The following TMEFF1 variants were observed in gnomAD, a reference collection of about 807,000 sequenced individuals.
TMEFF1 encodes tomoregulin-1.
In TMEFF1, 20 loss-of-function variants were observed where a neutral mutation model predicts 47.5. That is an observed-to-expected ratio of 0.42 (90% CI 0.30 to 0.61). The LOEUF (loss-of-function observed/expected upper bound fraction) is 0.61, where lower values mean the gene tolerates loss of function less well. Ranked by LOEUF, TMEFF1 falls within the 20% of genes least tolerant of loss-of-function variation. The probability of loss-of-function intolerance (pLI) is 0.19; values close to 1 mark genes in which losing one functional copy is unlikely to be tolerated. For synonymous variants in TMEFF1, 162 were observed against 166.3 expected (o/e 0.97, Z 0.20); for missense variants, 411 against 471.1 (o/e 0.87, Z 1.18).
chr9:100,527,555 C>G (rs1361762273), intron 5 of TMEFF1, among the ~76,000 whole-genome samples: 1 of 152,192 alleles, frequency 6.6e-6, no homozygotes, highest in African/African-American at 2.4e-5. Flanking sequence ...CGGCACACCA[C>G]GAGATTATAT....
At chr9:100,485,971 G>A (rs1265425277) in intron 1 of TMEFF1, among the ~76,000 whole-genome samples, 1 of 150,234 alleles carries the variant, frequency 6.7e-6, no homozygotes, top group Admixed American at 6.6e-5. Context: ...AGTTCTTAAC[G>A]TATTCTTGTA....
intron 1 of TMEFF1, among the ~76,000 whole-genome samples, chr9:100,482,446 C>T (rs934188372): frequency 2.0e-5 from 3 of 152,134 alleles, no homozygotes; most frequent in African/African-American, 4.8e-5. Flanking sequence ...AATCTGCCCG[C>T]CTCGGCCTCC....
intron 4 of TMEFF1, among the ~76,000 whole-genome samples, chr9:100,514,075 G>C (rs938003132): frequency 1.3e-5 from 2 of 151,976 alleles, no homozygotes; most frequent in Non-Finnish European, 2.9e-5. Flanking sequence ...AGTATGTACT[G>C]TATACCAAAT....
intron 7 of TMEFF1, among the ~76,000 whole-genome samples, chr9:100,556,927 C>A (rs1357843159): frequency 1.3e-5 from 2 of 151,800 alleles, no homozygotes; most frequent in Non-Finnish European, 2.9e-5. Context: ...CTCACTGCAA[C>A]CTTCCACCTC....
intron 5 of TMEFF1, among the ~76,000 whole-genome samples, chr9:100,546,436 C>A (rs553836545): frequency 6.6e-6 from 1 of 151,574 alleles, no homozygotes; most frequent in Non-Finnish European, 1.5e-5. Flanking sequence ...CAATCCCCCC[C>A]CCACCAGGTT....
At chr9:100,498,993 C>T in intron 2 of TMEFF1, 119 bp downstream of exon 2, 1 of 1,017,850 alleles carries the variant, frequency 9.8e-7, no homozygotes, top group South Asian at 1.6e-5. Flanking sequence ...GGGTCACAGC[C>T]CCTCAGTTCT....
At chr9:100,529,738 C>T (rs906405893) in intron 5 of TMEFF1, among the ~76,000 whole-genome samples, 26 of 152,182 alleles carry the variant, frequency 1.7e-4, no homozygotes, top group East Asian at 1.4e-3. Flanking sequence ...CTGCACCAAG[C>T]GGACCTAATA....
chr9:100,482,428 C>G (rs1667367938), intron 1 of TMEFF1, among the ~76,000 whole-genome samples: 1 of 151,950 alleles, frequency 6.6e-6, no homozygotes, highest in South Asian at 2.1e-4. Flanking sequence ...GAACTCCTGA[C>G]CTCAAGTAAT....
chr9:100,547,667 A>G lies in TMEFF1; in HGVS notation c.561-77A>G, dbSNP rs1202844318. The stretch of plus-strand genomic sequence containing the variant: ...TCTGTTACAGAAAGCAGAAGAAAGA[A>G]TTGGTCTTTTTTGCTGTTGCAGCAT... On this transcript the variant is annotated intron_variant, in intron 5 of 9. Coordinates refer to ENST00000374879, the MANE Select transcript of TMEFF1 (RefSeq NM_003692.5). 4.4e-6 allele frequency: 6 copies of G among 1,355,012 alleles called. No individual in the cohort carries two copies. The African/African-American group carries it at 7.5e-5, about 17-fold the overall frequency. The allele number at this position is 1,355,012 out of a possible 1,614,324, so 83.9% of individuals were successfully genotyped here. A position where few individuals can be genotyped will look rare whatever the true frequency, so the allele number is the denominator to read the frequency against.
intron 4 of TMEFF1, among the ~76,000 whole-genome samples, chr9:100,514,743 C>T (rs1838031804): frequency 6.6e-6 from 1 of 151,664 alleles, no homozygotes; most frequent in Admixed American, 6.6e-5. Context: ...GCCTGTAATC[C>T]CAGCACTTTG....
intron 1 of TMEFF1, among the ~76,000 whole-genome samples, chr9:100,480,727 G>T (rs139041837): frequency 1.3e-5 from 2 of 152,290 alleles, no homozygotes; most frequent in African/African-American, 4.8e-5. Context: ...GCTACATTGG[G>T]AAATGAATGT....
chr9:100,499,013 G>A, intron 2 of TMEFF1, 139 bp downstream of exon 2: 1 of 762,904 alleles, frequency 1.3e-6, no homozygotes, highest in South Asian at 1.9e-5. Context: ...TTTTTTGTCA[G>A]ATGATGCCCT....
At chr9:100,489,532 G>A (rs1837512444) in intron 1 of TMEFF1, among the ~76,000 whole-genome samples, 1 of 152,142 alleles carries the variant, frequency 6.6e-6, no homozygotes, top group Non-Finnish European at 1.5e-5. Context: ...GCATGTAATT[G>A]TTTTATTTGA....
At chr9:100,518,911 A>G (rs1354733722) in intron 5 of TMEFF1, among the ~76,000 whole-genome samples, 5 of 152,218 alleles carry the variant, frequency 3.3e-5, no homozygotes, top group African/African-American at 1.2e-4. Context: ...TAGGTCTGGA[A>G]AATGGAAAGC....
intron 1 of TMEFF1, among the ~76,000 whole-genome samples, chr9:100,480,479 C>A (rs1383610021): frequency 6.6e-6 from 1 of 152,044 alleles, no homozygotes; most frequent in East Asian, 1.9e-4. Flanking sequence ...AGACAAGAAG[C>A]TGAAAGAATT....
rs1042207250 is a variant in TMEFF1 at position 100,501,730 on chromosome 9, C to T, written c.306+2856C>T. Reference sequence around the variant, plus strand: ...TGCGATCGTGGCTCACTGCAACCTCCGCCTCCCGGGTTCAAATGATTCTCC... The same window carrying T: ...TGCGATCGTGGCTCACTGCAACCTCTGCCTCCCGGGTTCAAATGATTCTCC... On this transcript the variant is annotated intron_variant, in intron 2 of 9. Transcript: ENST00000374879. Among the ~76,000 whole-genome samples the T allele has an allele frequency of 5.3e-5, 8 of 152,106 alleles. No homozygotes were observed. In the South Asian group the frequency reaches 8.3e-4, roughly 16 times the overall value.
At position 100,473,699 on chromosome 9, in the gene TMEFF1, G is replaced by T; in HGVS notation, c.155G>T (p.Gly52Val). 6.5e-7 allele frequency: 1 copy of T among 1,533,292 alleles called. No homozygotes were observed. Among genetic ancestry groups the T allele is most frequent in the Non-Finnish European group, 8.8e-7 (1 of 1,139,098 alleles). 95.0% of individuals were successfully genotyped at this position (1,533,292 alleles called of 1,614,324 possible). A position where few individuals can be genotyped will look rare whatever the true frequency, so the allele number is the denominator to read the frequency against. ...CCGGGTGGTGGCGGCGGCAGCGGCGGGGACTGTCCCGGCGGCAAAGGCAAG... is the reference window on the plus strand; with the variant it reads ...CCGGGTGGTGGCGGCGGCAGCGGCGTGGACTGTCCCGGCGGCAAAGGCAAG... ...QPPGGGGGSG[G>V]DCPGGKGKSI... The change falls in exon 1 of 10, where the codon GGG (glycine) becomes GTG (valine). Residue 52 changes from glycine (G) to valine (V), a missense_variant. Coordinates refer to ENST00000374879, the MANE Select transcript of TMEFF1 (RefSeq NM_003692.5). The surrounding 1 kb of genome is among the most constrained non-coding windows in gnomAD (Gnocchi z 5.4).
rs143565107 is a variant in TMEFF1, at chr9:100,576,672, A to G, written c.*72A>G. 9 of 1,535,110 alleles carry G rather than the reference A, an allele frequency of 5.9e-6. No individual in the cohort carries two copies. Among genetic ancestry groups the G allele is most frequent in the Non-Finnish European group, 7.9e-6 (9 of 1,142,468 alleles). On this transcript the variant is annotated 3_prime_UTR_variant, in exon 10 of 10. Transcript: ENST00000374879. Reference sequence around the variant, plus strand: ...ATGTCTTTTTTTAAAGAATGGAAATATTTATTTCAGAGGCCTTATTTTTGG... The same window carrying G: ...ATGTCTTTTTTTAAAGAATGGAAATGTTTATTTCAGAGGCCTTATTTTTGG...
intron 7 of TMEFF1, among the ~76,000 whole-genome samples, chr9:100,557,823 A>G (rs1188852881): frequency 6.8e-6 from 1 of 146,506 alleles, no homozygotes; most frequent in Non-Finnish European, 1.5e-5. Flanking sequence ...GGCAAGGACC[A>G]TGCATGCTTT....
Sources: gnomAD v4.1 joint callset for allele counts (sites outside exome capture counted in the v4.1 genomes callset) on GRCh38, gnomAD v4.1.1 for gene constraint, Gnocchi (gnomAD v3.1) non-coding constraint, MANE v1.5 for transcripts, NCBI Gene and HGNC (gene_info 2026-07-23, HGNC 2026-07-21) for gene names.